TRIM4: variants seen among roughly 807,000 people sequenced by gnomAD.
TRIM4 encodes tripartite motif containing 4, also known as E3 ubiquitin-protein ligase TRIM4.
In TRIM4, 29 loss-of-function variants were observed where a neutral mutation model predicts 33.7. The ratio of observed to expected loss-of-function variants is 0.86; its 90% CI spans 0.64 to 1.17. The LOEUF (loss-of-function observed/expected upper bound fraction) is 1.17. Among genes scored for constraint, TRIM4 ranks in the 50% most tolerant of loss-of-function variants. TRIM4 has a pLI of 0.00. For synonymous variants in TRIM4, 224 were observed against 233.0 expected (o/e 0.96, Z 0.35); for missense variants, 554 against 593.7 (o/e 0.93, Z 0.69).
rs1170199223 is a variant in TRIM4 at position 99,916,834 on chromosome 7, C to T, written c.393+2175G>A. On this transcript the variant is annotated intron_variant, in intron 1 of 5. Coordinates refer to ENST00000349062, the MANE Select transcript of TRIM4 (RefSeq NM_033091.3). ...CCTGCCTTAAAACCCTTTTATAACT[C>T]CCCACTGCCTGAAAGAGAAAGTTCA... is the stretch of plus-strand genomic sequence containing the variant. 7.8e-6 allele frequency: 6 copies of T among 773,466 alleles called. No individual in the cohort carries two copies. The African/African-American group carries it at 1.0e-4, about 13-fold the overall frequency. 47.9% of individuals were successfully genotyped at this position (773,466 alleles called of 1,614,324 possible).
In TRIM4 at chr7:99,900,253, G is replaced by A. The variant is rs532713700; in HGVS notation, c.841+2965C>T. 5.3e-5 allele frequency among the ~76,000 whole-genome samples: 8 copies of A among 152,320 alleles called. No individual in the cohort carries two copies. In the South Asian group the frequency reaches 1.2e-3, roughly 24 times the overall value. Reference sequence around the variant, plus strand: ...GCTGCAGTGAAGGCCAAGGTAGTATGCTTTAGAAATCCATCAGAAAGGTCA... The same window carrying A: ...GCTGCAGTGAAGGCCAAGGTAGTATACTTTAGAAATCCATCAGAAAGGTCA... On this transcript the variant is annotated intron_variant, in intron 5 of 5. Coordinates refer to ENST00000349062, the MANE Select transcript of TRIM4 (RefSeq NM_033091.3).
Position 99,919,320 on chromosome 7 carries a change from C to G in TRIM4, c.82G>C (p.Gly28Arg), listed in dbSNP as rs1486831939. ...YFQDPVSIEC[G>R]HNFCRGCLHR... Reference sequence around the variant, plus strand: ...AGGCAGCCGCGGCAGAAGTTGTGGCCGCACTCGATGGACACCGGGTCCTGG... The same window carrying G: ...AGGCAGCCGCGGCAGAAGTTGTGGCGGCACTCGATGGACACCGGGTCCTGG... Residue 28 changes from glycine (G) to arginine (R), a missense_variant, in exon 1 of 6, where the codon GGC (glycine) becomes CGC (arginine). Coordinates refer to ENST00000349062, the MANE Select transcript of TRIM4 (RefSeq NM_033091.3). 1.9e-6 allele frequency: 3 copies of G among 1,567,278 alleles called. No individual in the cohort carries two copies. The highest frequency in any genetic ancestry group is 2.6e-6 in the Non-Finnish European group (3 of 1,157,538).
Position 99,892,599 on chromosome 7 carries a change from T to C in TRIM4, c.989A>G (p.Lys330Arg), listed in dbSNP as rs1818918930. The C allele has an allele frequency of 1.2e-6, 2 of 1,614,236 alleles. No homozygotes were observed. The highest frequency in any genetic ancestry group is 2.7e-5 in the African/African-American group (2 of 75,054). ...NYFAGWRNPQ[K>R]TAFVERFQHL... ...CTGAAATCTCTCTACAAAAGCAGTCTTCTGAGGATTCCTCCATCCAGCAAA... is the reference window on the plus strand; with the variant it reads ...CTGAAATCTCTCTACAAAAGCAGTCCTCTGAGGATTCCTCCATCCAGCAAA... Residue 330 changes from lysine to arginine, a missense_variant, in exon 6 of 6, where the codon AAG becomes AGG. By Grantham distance (26) the Lys-to-Arg change is conservative (BLOSUM62 2). Coordinates refer to ENST00000349062, the MANE Select transcript of TRIM4 (RefSeq NM_033091.3).
chr7:99,901,912 T>G, intron 5 of TRIM4: 1 of 592,742 alleles, frequency 1.7e-6, no homozygotes, highest in Non-Finnish European at 3.0e-6. Flanking sequence ...TGCCCAGTAC[T>G]TTGCGAACTC....
rs543370717 is a variant in TRIM4, at chr7:99,892,103, G to C, written c.*60C>G. On this transcript the variant is annotated 3_prime_UTR_variant, in exon 6 of 6. Coordinates refer to ENST00000349062, the MANE Select transcript of TRIM4 (RefSeq NM_033091.3). ...GACATGAAGGGCAGAAGAGGGCCCA[G>C]GGATGTGTGTCCCTCAGCTGGACTA... 7 of 1,428,070 alleles carry C rather than the reference G, an allele frequency of 4.9e-6. No individual in the cohort carries two copies. Among genetic ancestry groups the C allele is most frequent in the Non-Finnish European group, 5.7e-6 (6 of 1,052,568 alleles). The allele number at this position is 1,428,070 out of a possible 1,614,324, so 88.5% of individuals were successfully genotyped here.
At position 99,892,089 on chromosome 7, in the gene TRIM4, C is replaced by T; in HGVS notation, c.*74G>A. ...CCATCCAGGATAGAGACATGAAGGG[C>T]AGAAGAGGGCCCAGGGATGTGTGTC... On this transcript the variant is annotated 3_prime_UTR_variant, in exon 6 of 6. Coordinates refer to ENST00000349062, the MANE Select transcript of TRIM4 (RefSeq NM_033091.3). 2 of 1,325,500 alleles carry T rather than the reference C, an allele frequency of 1.5e-6. No homozygotes were observed. The highest frequency in any genetic ancestry group is 2.8e-5 in the South Asian group (2 of 70,318). The allele number at this position is 1,325,500 out of a possible 1,614,324, so 82.1% of individuals were successfully genotyped here.
intron 1 of TRIM4, 102 bp downstream of exon 1, chr7:99,918,907 A>G (rs1819622708): frequency 7.4e-7 from 1 of 1,355,876 alleles, no homozygotes; most frequent in South Asian, 1.5e-5. Flanking sequence ...TCATGCTTCC[A>G]GTAGGAATGA....
In TRIM4 at chr7:99,909,729, G is replaced by GGTTTT. The variant is rs1563087619; in HGVS notation, c.394-70_394-69insAAAAC. On this transcript the variant is annotated intron_variant, in intron 1 of 5. Transcript: ENST00000349062. ...CATCATCATCTTCTTTTTTCTTTTT[G>GGTTTT]TTTTTTTTTTTTTTTTTTTTTGAGA... 15 of 725,154 alleles carry GGTTTT rather than the reference G, an allele frequency of 2.1e-5. 2 individuals carry two copies. The highest frequency in any genetic ancestry group is 2.0e-5 in the South Asian group (1 of 49,978). The allele number at this position is 725,154 out of a possible 1,614,324, so 44.9% of individuals were successfully genotyped here. A position where few individuals can be genotyped will look rare whatever the true frequency, so the allele number is the denominator to read the frequency against.
At chr7:99,904,182 C>T (rs1819242883) in intron 3 of TRIM4, among the ~76,000 whole-genome samples, 1 of 152,044 alleles carries the variant, frequency 6.6e-6, no homozygotes, top group Admixed American at 6.5e-5. Flanking sequence ...AATTACAGAC[C>T]CATTTTACTT....
At chr7:99,896,677 G>A (rs1249081474) in intron 5 of TRIM4, among the ~76,000 whole-genome samples, 1 of 152,216 alleles carries the variant, frequency 6.6e-6, no homozygotes. Flanking sequence ...CGAGTGCCAA[G>A]ACAATGGGAT....
Position 99,919,457 on chromosome 7 carries a change from A to G in TRIM4, c.-56T>C. 6.9e-7 allele frequency: 1 copy of G among 1,444,546 alleles called. No homozygotes were observed. The highest frequency in any genetic ancestry group is 9.1e-7 in the Non-Finnish European group (1 of 1,098,420). The allele number at this position is 1,444,546 out of a possible 1,614,324, so 89.5% of individuals were successfully genotyped here. A position where few individuals can be genotyped will look rare whatever the true frequency, so the allele number is the denominator to read the frequency against. On this transcript the variant is annotated 5_prime_UTR_variant, in exon 1 of 6. Transcript: ENST00000349062. ...ACGTGAGGCGCGGGAGAGGCCAGCA[A>G]GCTGCGAGCGGCCGCGGGGAGGCCA...
At chr7:99,896,787 T>C (rs1819026433) in intron 5 of TRIM4, among the ~76,000 whole-genome samples, 1 of 152,232 alleles carries the variant, frequency 6.6e-6, no homozygotes, top group African/African-American at 2.4e-5. Flanking sequence ...CAGGTGAGTA[T>C]GGGGATACCC....
In TRIM4 at chr7:99,916,964, C is replaced by T. The variant is rs910642804; in HGVS notation, c.393+2045G>A. 3.9e-5 allele frequency among the ~76,000 whole-genome samples: 6 copies of T among 152,242 alleles called. No homozygotes were observed. The East Asian group carries it at 1.2e-3, about 29-fold the overall frequency. ...TCCCATGCTCCATGCTCCAGAAGTACTGAGCAACCTCCAGTCCTCTCACAC... is the reference window on the plus strand; with the variant it reads ...TCCCATGCTCCATGCTCCAGAAGTATTGAGCAACCTCCAGTCCTCTCACAC... On this transcript the variant is annotated intron_variant, in intron 1 of 5. Transcript: ENST00000349062.
At chr7:99,915,530 A>C (rs1819536133) in intron 1 of TRIM4, among the ~76,000 whole-genome samples, 1 of 152,158 alleles carries the variant, frequency 6.6e-6, no homozygotes, top group African/African-American at 2.4e-5. Context: ...ACTTCCAGCT[A>C]TCCAACTTTT....
chr7:99,918,945 A>G (rs929081372), intron 1 of TRIM4, 64 bp downstream of exon 1: 2 of 1,507,894 alleles, frequency 1.3e-6, no homozygotes, highest in Admixed American at 2.1e-5. Flanking sequence ...TTTTAGGAGC[A>G]TTAAGTAAAC....
At chr7:99,906,267 A>AT (rs1170502274) in intron 3 of TRIM4, among the ~76,000 whole-genome samples, 1 of 152,004 alleles carries the variant, frequency 6.6e-6, no homozygotes, top group African/African-American at 2.4e-5. Flanking sequence ...TGTGTGTTCT[A>AT]TTTTTTTGAC....
intron 5 of TRIM4, among the ~76,000 whole-genome samples, chr7:99,898,923 G>T (rs1209205779): frequency 2.0e-5 from 3 of 152,198 alleles, no homozygotes; most frequent in Non-Finnish European, 4.4e-5. Context: ...GAGTATGATT[G>T]CTACTATGCT....
intron 1 of TRIM4, among the ~76,000 whole-genome samples, chr7:99,912,777 T>G (rs1819475497): frequency 2.0e-5 from 3 of 152,210 alleles, no homozygotes; most frequent in African/African-American, 7.2e-5. Context: ...GAAATTTTCA[T>G]GGTAAAATGA....
chr7:99,896,338 T>C (rs528523536), intron 5 of TRIM4, among the ~76,000 whole-genome samples: 12 of 152,292 alleles, frequency 7.9e-5, no homozygotes, highest in Non-Finnish European at 1.8e-4. Context: ...AGGAAGGACA[T>C]CTGAACATCT....
Sources: gnomAD v4.1 joint callset for allele counts (sites outside exome capture counted in the v4.1 genomes callset) on GRCh38, gnomAD v4.1.1 for gene constraint, MANE v1.5 for transcripts, NCBI Gene and HGNC (gene_info 2026-07-23, HGNC 2026-07-21) for gene names.